CDH13: variants seen among roughly 807,000 people sequenced by gnomAD.
The protein encoded by CDH13 is cadherin 13.
In CDH13, 24 loss-of-function variants were observed where a neutral mutation model predicts 63.8. The observed-to-expected ratio is 0.38, with a 90% CI of 0.27 to 0.53. The LOEUF (loss-of-function observed/expected upper bound fraction) is 0.53. Among genes scored for constraint, CDH13 ranks in the 20% least tolerant of loss-of-function variants. CDH13 has a pLI of 0.85. For synonymous variants in CDH13, 503 were observed against 355.3 expected (o/e 1.42, Z -4.67); for missense variants, 1,049 against 903.1 (o/e 1.16, Z -2.07).
intron 4 of CDH13, among the ~76,000 whole-genome samples, chr16:83,188,598 C>T (rs2038600895): frequency 6.6e-6 from 1 of 152,166 alleles, no homozygotes; most frequent in Non-Finnish European, 1.5e-5. Flanking sequence ...GCTCCCAAAC[C>T]TGTCCTTTTT....
At chr16:83,448,941 A>G (rs1178435590) in intron 6 of CDH13, among the ~76,000 whole-genome samples, 3 of 152,204 alleles carry the variant, frequency 2.0e-5, no homozygotes, top group African/African-American at 7.2e-5. Context: ...GATTCTTCGT[A>G]TGGAGACAGA....
At chr16:82,998,985 C>G (rs944573558) in intron 2 of CDH13, among the ~76,000 whole-genome samples, 2 of 150,442 alleles carry the variant, frequency 1.3e-5, no homozygotes, top group South Asian at 4.2e-4. Context: ...GAATATTTAT[C>G]TTAATCAAGT....
intron 2 of CDH13, among the ~76,000 whole-genome samples, chr16:82,984,244 CA>C: frequency 6.6e-6 from 1 of 152,312 alleles, no homozygotes; most frequent in African/African-American, 2.4e-5. Context: ...ATTTGAAAAC[CA>C]CACTGCTTTG....
chr16:83,037,646 C>A (rs1916982824), intron 3 of CDH13, among the ~76,000 whole-genome samples: 1 of 152,088 alleles, frequency 6.6e-6, no homozygotes, highest in African/African-American at 2.4e-5. Flanking sequence ...CTCCTAGGGA[C>A]ATCTTTATAG....
At chr16:83,713,277 C>G (rs887310139) in intron 10 of CDH13, among the ~76,000 whole-genome samples, 2 of 152,228 alleles carry the variant, frequency 1.3e-5, no homozygotes, top group Non-Finnish European at 2.9e-5. Context: ...ATCCAGCACA[C>G]ACCAGAAATG....
At chr16:83,241,552 T>C (rs1186721299) in intron 5 of CDH13, among the ~76,000 whole-genome samples, 1 of 152,238 alleles carries the variant, frequency 6.6e-6, no homozygotes, top group African/African-American at 2.4e-5. Context: ...CACCTCATTA[T>C]GGTTTTGATT....
intron 5 of CDH13, among the ~76,000 whole-genome samples, chr16:83,321,273 C>G (rs879907428): frequency 1.3e-5 from 2 of 152,148 alleles, no homozygotes; most frequent in Non-Finnish European, 2.9e-5. Context: ...TCCTTTTACA[C>G]CACTTCCTTT....
intron 6 of CDH13, among the ~76,000 whole-genome samples, chr16:83,481,094 C>T (rs2073750188): frequency 6.6e-6 from 1 of 152,168 alleles, no homozygotes; most frequent in Non-Finnish European, 1.5e-5. Context: ...CAACGATGTG[C>T]CATTTTGTCA....
Position 83,671,216 on chromosome 16 carries a change from T to A in CDH13, c.1284+244T>A, listed in dbSNP as rs145521224. On this transcript the variant is annotated intron_variant, in intron 9 of 13. Transcript: ENST00000567109. ...AAATACCCAAACTTATGTGTAACTT[T>A]AAGAAAACCAAACTTAAGTGCATTT... Among the ~76,000 whole-genome samples the A allele has an allele frequency of 5.9e-5, 9 of 152,314 alleles. No individual in the cohort carries two copies. In the East Asian group the frequency reaches 1.5e-3, roughly 26 times the overall value.
At chr16:83,561,163 C>T (rs141919627) in intron 7 of CDH13, among the ~76,000 whole-genome samples, 95 of 152,092 alleles carry the variant, frequency 6.2e-4, no homozygotes, top group Non-Finnish European at 1.1e-3. Flanking sequence ...AAAGAGACTT[C>T]AGGCCGGGCG....
chr16:82,638,578 G>A (rs1908975233), intron 1 of CDH13, among the ~76,000 whole-genome samples: 1 of 152,106 alleles, frequency 6.6e-6, no homozygotes, highest in Non-Finnish European at 1.5e-5. Flanking sequence ...GTGTCATGGG[G>A]TCTTGGCTTT....
At chr16:82,846,447 G>T (rs922663862) in intron 1 of CDH13, among the ~76,000 whole-genome samples, 1 of 152,042 alleles carries the variant, frequency 6.6e-6, no homozygotes. Flanking sequence ...CATTTGATTT[G>T]TGTTTACTCA....
intron 4 of CDH13, among the ~76,000 whole-genome samples, chr16:83,181,775 G>T (rs2038354667): frequency 6.6e-6 from 1 of 152,130 alleles, no homozygotes; most frequent in Non-Finnish European, 1.5e-5. Context: ...CAGGCAAAGT[G>T]AGTGTGTGTG....
intron 1 of CDH13, among the ~76,000 whole-genome samples, chr16:82,818,183 C>G (rs1049666471): frequency 6.6e-6 from 1 of 151,760 alleles, no homozygotes; most frequent in Admixed American, 6.6e-5. Context: ...TGTAGTTTCC[C>G]TTCTTAAGTA....
intron 4 of CDH13, among the ~76,000 whole-genome samples, chr16:83,149,017 A>G (rs2036865385): frequency 6.6e-6 from 1 of 152,236 alleles, no homozygotes; most frequent in African/African-American, 2.4e-5. Flanking sequence ...ATAAATAACA[A>G]GAATTGACTG....
intron 7 of CDH13, among the ~76,000 whole-genome samples, chr16:83,544,043 A>G (rs989785918): frequency 1.3e-4 from 20 of 152,166 alleles, no homozygotes; most frequent in African/African-American, 3.6e-4. Context: ...CTACTGCAGT[A>G]TGAGAAAGTG....
At chr16:83,337,028 G>A (rs2090613140) in intron 5 of CDH13, among the ~76,000 whole-genome samples, 1 of 152,204 alleles carries the variant, frequency 6.6e-6, no homozygotes, top group African/African-American at 2.4e-5. Flanking sequence ...TGAAGGGCAA[G>A]CTGTTAATAG....
At chr16:83,049,819 G>A (rs1309022902) in intron 3 of CDH13, among the ~76,000 whole-genome samples, 1 of 152,120 alleles carries the variant, frequency 6.6e-6, no homozygotes, top group Non-Finnish European at 1.5e-5. Context: ...GTGTGCAAAT[G>A]TATTTGAGTA....
intron 3 of CDH13, among the ~76,000 whole-genome samples, chr16:83,119,152 C>A (rs185994600): frequency 2.1e-4 from 32 of 152,288 alleles, no homozygotes; most frequent in Admixed American, 1.6e-3. Context: ...CGTGGCTGTG[C>A]ACTGTTCCTT....
Sources: allele counts gnomAD v4.1 joint callset (sites outside exome capture counted in the v4.1 genomes callset), GRCh38; gene constraint gnomAD v4.1.1; transcripts MANE v1.5; gene names NCBI Gene and HGNC (gene_info 2026-07-23, HGNC 2026-07-21).